The following A1CF variants were observed in gnomAD, a reference collection of about 807,000 sequenced individuals.
A1CF encodes APOBEC-1 stimulating protein.
A neutral mutation model predicts 68.9 loss-of-function variants in A1CF; 48 were observed. That is an observed-to-expected ratio of 0.70 (90% CI 0.55 to 0.89). The LOEUF (loss-of-function observed/expected upper bound fraction) is 0.89. A1CF is among the 40% of genes least tolerant of loss of function. The pLI is 0.00. For missense variants in A1CF, 653 were observed against 718.9 expected, an observed-to-expected ratio of 0.91 and a Z score of 1.05; for synonymous variants, 272 against 260.4, an observed-to-expected ratio of 1.04 and a Z score of -0.43.
At chr10:50,877,571 C>G (rs560776317) in intron 1 of A1CF, among the ~76,000 whole-genome samples, 2 of 152,118 alleles carry the variant, frequency 1.3e-5, no homozygotes, top group South Asian at 4.1e-4. Flanking sequence ...GGAAAGATAG[C>G]CTTATGTTTC....
intron 5 of A1CF, among the ~76,000 whole-genome samples, chr10:50,836,729 C>T (rs1839516421): frequency 7.3e-6 from 1 of 136,950 alleles, no homozygotes; most frequent in Non-Finnish European, 1.5e-5. Context: ...GTAATGTTCC[C>T]CTTCCTGTGT....
intron 3 of A1CF, among the ~76,000 whole-genome samples, chr10:50,847,027 TC>T (rs1231663005): frequency 6.6e-6 from 1 of 152,184 alleles, no homozygotes; most frequent in Non-Finnish European, 1.5e-5. Flanking sequence ...ACAGTTGGGC[TC>T]TGGGTTGCTA....
At chr10:50,812,910 C>A (rs1448897568) in intron 10 of A1CF, among the ~76,000 whole-genome samples, 1 of 152,056 alleles carries the variant, frequency 6.6e-6, no homozygotes, top group African/African-American at 2.4e-5. Context: ...TAGCAGAAAC[C>A]TTAGATAAGC....
At chr10:50,852,194 G>T (rs903448205) in intron 3 of A1CF, among the ~76,000 whole-genome samples, 1 of 152,144 alleles carries the variant, frequency 6.6e-6, no homozygotes, top group Non-Finnish European at 1.5e-5. Flanking sequence ...ACCTTGTGTC[G>T]TTTATGAAGA....
chr10:50,846,239 A>T (rs1483659757), intron 3 of A1CF, among the ~76,000 whole-genome samples: 1 of 152,222 alleles, frequency 6.6e-6, no homozygotes, highest in African/African-American at 2.4e-5. Context: ...TATAAGGTAT[A>T]TATGAATTAT....
intron 3 of A1CF, among the ~76,000 whole-genome samples, chr10:50,845,265 AATACTT>A (rs1839946057): frequency 6.6e-6 from 1 of 152,158 alleles, no homozygotes; most frequent in Non-Finnish European, 1.5e-5. Flanking sequence ...GAGAAATTGA[AATACTT>A]ATGCTTATAG....
chr10:50,868,096 A>G (rs529601195), intron 1 of A1CF, among the ~76,000 whole-genome samples: 42 of 152,284 alleles, frequency 2.8e-4, no homozygotes, highest in African/African-American at 1.0e-3. Flanking sequence ...AACTGAACCT[A>G]GTCTTTCCTC....
chr10:50,855,822 C>T (rs371059831), intron 3 of A1CF, among the ~76,000 whole-genome samples: 1 of 152,084 alleles, frequency 6.6e-6, no homozygotes, highest in South Asian at 2.1e-4. Flanking sequence ...CCTTCAAACC[C>T]TAATCTATAA....
intron 3 of A1CF, among the ~76,000 whole-genome samples, chr10:50,853,398 A>G (rs1052300803): frequency 3.9e-5 from 6 of 152,128 alleles, no homozygotes; most frequent in Non-Finnish European, 8.8e-5. Flanking sequence ...TTTTTCCTAA[A>G]GAAGGTCACC....
At chr10:50,841,643 T>C (rs1459782945) in intron 5 of A1CF, among the ~76,000 whole-genome samples, 3 of 152,244 alleles carry the variant, frequency 2.0e-5, no homozygotes, top group Non-Finnish European at 4.4e-5. Context: ...TATTAAGTTT[T>C]GTTTCTTTGA....
At chr10:50,822,721 C>T (rs1838735161) in intron 7 of A1CF, 2 of 152,266 alleles carry the variant, frequency 1.3e-5, no homozygotes, top group African/African-American at 2.4e-5. Context: ...AACTGAATAT[C>T]CAATATAGTC....
intron 1 of A1CF, among the ~76,000 whole-genome samples, chr10:50,874,014 G>A (rs1215772998): frequency 6.6e-6 from 1 of 152,064 alleles, no homozygotes; most frequent in African/African-American, 2.4e-5. Flanking sequence ...ATGCACATAT[G>A]TACACACACC....
rs1294436664 is a variant in A1CF, at chr10:50,799,490, A to G, written c.*7239T>C. The G allele has an allele frequency of 6.6e-6, 1 of 152,178 alleles. No individual in the cohort carries two copies. Among genetic ancestry groups the G allele is most frequent in the South Asian group, 2.1e-4 (1 of 4,832 alleles). 9.4% of individuals were successfully genotyped at this position (152,178 alleles called of 1,614,324 possible). A position where few individuals can be genotyped will look rare whatever the true frequency, so the allele number is the denominator to read the frequency against. ...TCATCCAGGAATTATACAATATTGC[A>G]TTGTCTCTCATTTCATGTGATTTAT... On this transcript the variant is annotated 3_prime_UTR_variant, in exon 13 of 13. Coordinates refer to ENST00000373997, the MANE Select transcript of A1CF (RefSeq NM_014576.4).
rs1219033027 is a variant in A1CF at position 50,799,678 on chromosome 10, T to A, written c.*7051A>T. The A allele has an allele frequency of 6.6e-6, 1 of 152,174 alleles. No homozygotes were observed. The highest frequency in any genetic ancestry group is 6.5e-5 in the Admixed American group (1 of 15,272). 9.4% of individuals were successfully genotyped at this position (152,174 alleles called of 1,614,324 possible). A position where few individuals can be genotyped will look rare whatever the true frequency, so the allele number is the denominator to read the frequency against. ...GTGCTTTATGCACACTTTTTAATAC[T>A]GTCTTTGTCTCTTTTTTGGTACCTC... On this transcript the variant is annotated 3_prime_UTR_variant, in exon 13 of 13. Coordinates refer to ENST00000373997, the MANE Select transcript of A1CF (RefSeq NM_014576.4).
intron 1 of A1CF, among the ~76,000 whole-genome samples, chr10:50,879,353 C>T (rs752918161): frequency 7.2e-5 from 11 of 152,170 alleles, no homozygotes; most frequent in Non-Finnish European, 1.6e-4. Flanking sequence ...TAATTGCAAC[C>T]AAGTCATTCA....
At chr10:50,859,178 A>T (rs566713393) in intron 3 of A1CF, among the ~76,000 whole-genome samples, 1 of 152,324 alleles carries the variant, frequency 6.6e-6, no homozygotes, top group Non-Finnish European at 1.5e-5. Flanking sequence ...TTTAAATAAG[A>T]TAATATATGT....
chr10:50,866,547 G>A (rs1363866943), intron 1 of A1CF, among the ~76,000 whole-genome samples: 1 of 152,194 alleles, frequency 6.6e-6, no homozygotes, highest in Non-Finnish European at 1.5e-5. Context: ...AAGTTGGCAG[G>A]GAAACAGATG....
At chr10:50,819,755 G>A (rs953221316) in intron 8 of A1CF, among the ~76,000 whole-genome samples, 2 of 151,950 alleles carry the variant, frequency 1.3e-5, no homozygotes, top group African/African-American at 2.4e-5. Flanking sequence ...TCCATATTTT[G>A]ATTTTTGAAA....
intron 12 of A1CF, among the ~76,000 whole-genome samples, chr10:50,809,570 C>T (rs1230107241): frequency 6.6e-6 from 1 of 152,116 alleles, no homozygotes; most frequent in African/African-American, 2.4e-5. Context: ...CTCCAATAAA[C>T]ATCATATATC....
Sources: gnomAD v4.1 joint callset for allele counts (sites outside exome capture counted in the v4.1 genomes callset) on GRCh38, gnomAD v4.1.1 for gene constraint, MANE v1.5 for transcripts, NCBI Gene and HGNC (gene_info 2026-07-23, HGNC 2026-07-21) for gene names.